Variants in ITPR1 observed in about 807,000 individuals in gnomAD.
The protein encoded by ITPR1 is inositol 1,4,5-trisphosphate receptor type 1.
A neutral mutation model predicts 318.4 loss-of-function variants in ITPR1; 96 were observed. That is an observed-to-expected ratio of 0.30 (90% CI 0.26 to 0.36). The LOEUF (loss-of-function observed/expected upper bound fraction) is 0.36. Among genes scored for constraint, ITPR1 ranks in the 10% least tolerant of loss-of-function variants. The probability of loss-of-function intolerance (pLI) is 1.00; values close to 1 mark genes in which losing one functional copy is unlikely to be tolerated. For synonymous variants in ITPR1, 1,312 were observed against 1,289.9 expected (o/e 1.02, Z -0.37); for missense variants, 2,440 against 3,460.2 (o/e 0.71, Z 7.40).
chr3:4,652,280 T>G, intron 11 of ITPR1, 62 bp downstream of exon 11: 4 of 1,171,764 alleles, frequency 3.4e-6, no homozygotes, highest in Non-Finnish European at 5.0e-6. Flanking sequence ...CCTTTCCTCA[T>G]TCGCCTGTAG....
intron 2 of ITPR1, among the ~76,000 whole-genome samples, chr3:4,495,135 C>T (rs534889350): frequency 3.7e-4 from 57 of 152,244 alleles, no homozygotes; most frequent in Non-Finnish European, 6.5e-4. Context: ...TCTGTAAACA[C>T]AACAGTTCCT....
chr3:4,800,376 A>C (rs752230896), intron 53 of ITPR1, 49 bp from the exon 54 acceptor site: 1 of 1,585,038 alleles, frequency 6.3e-7, no homozygotes, highest in African/African-American at 1.4e-5. Context: ...TGTCCCCTGT[A>C]CTCAGTGAAG....
At chr3:4,612,510 A>G (rs2092192077) in intron 4 of ITPR1, among the ~76,000 whole-genome samples, 1 of 151,896 alleles carries the variant, frequency 6.6e-6, no homozygotes, top group African/African-American at 2.4e-5. Flanking sequence ...GTTTTTTTCT[A>G]TATCCCCCCA....
chr3:4,827,422 C>T (rs1300301739), intron 60 of ITPR1, among the ~76,000 whole-genome samples: 5 of 152,206 alleles, frequency 3.3e-5, no homozygotes, highest in Non-Finnish European at 5.9e-5. Context: ...CTGTCTACAT[C>T]AGGTATATAT....
intron 7 of ITPR1, among the ~76,000 whole-genome samples, chr3:4,643,897 A>G (rs1031062073): frequency 6.6e-6 from 1 of 151,070 alleles, no homozygotes; most frequent in African/African-American, 2.4e-5. Flanking sequence ...GCTTTGAAAC[A>G]TCTCTGTATA....
chr3:4,771,422 C>T (rs1303679028), intron 46 of ITPR1, among the ~76,000 whole-genome samples: 1 of 152,220 alleles, frequency 6.6e-6, no homozygotes, highest in Non-Finnish European at 1.5e-5. Context: ...CCGAGCTTAG[C>T]TCTGGTGGTA....
chr3:4,585,292 A>G (rs1575611521), intron 4 of ITPR1, among the ~76,000 whole-genome samples: 1 of 152,210 alleles, frequency 6.6e-6, no homozygotes, highest in Non-Finnish European at 1.5e-5. Context: ...GAATGTTTTG[A>G]TTTAACTGCC....
intron 51 of ITPR1, among the ~76,000 whole-genome samples, chr3:4,784,533 C>T (rs1433348920): frequency 3.3e-5 from 5 of 151,004 alleles, no homozygotes; most frequent in Non-Finnish European, 7.4e-5. Context: ...GAGTTTTCCC[C>T]AAGAGGGCAT....
In ITPR1 at chr3:4,691,216, G is replaced by A; in HGVS notation, c.3901G>A (p.Val1301Ile). The A allele has an allele frequency of 6.2e-7, 1 of 1,613,324 alleles. No individual in the cohort carries two copies. Among genetic ancestry groups the A allele is most frequent in the Non-Finnish European group, 8.5e-7 (1 of 1,179,456 alleles). The change falls in exon 32 of 62, where the codon GTT (valine) becomes ATT (isoleucine). Residue 1301 changes from valine (V) to isoleucine (I), a missense_variant. Physicochemically the swap from Val to Ile is conservative, Grantham distance 29. Coordinates refer to ENST00000649015, the MANE Select transcript of ITPR1 (RefSeq NM_001378452.1). ...GCTTTGCAGTGAGATCAACGAGAGAGTTGTTCAGCACTTCGTTCACTGCAT... is the reference window on the plus strand; with the variant it reads ...GCTTTGCAGTGAGATCAACGAGAGAATTGTTCAGCACTTCGTTCACTGCAT... ...FQLCSEINER[V>I]VQHFVHCIET...
rs186341580 is a variant in ITPR1, at chr3:4,679,495, A to G, written c.2968-1058A>G. ...ACCTGGAGCTCTGATGGGCAGGAGA[A>G]GATGAGTGTCCCAGCTCCAGAACAG... On this transcript the variant is annotated intron_variant, in intron 24 of 61. Transcript: ENST00000649015. 2.0e-3 allele frequency among the ~76,000 whole-genome samples: 299 copies of G among 152,308 alleles called. 4 individuals carry two copies. Among genetic ancestry groups the G allele is most frequent in the African/African-American group, 6.5e-3 (272 of 41,578 alleles).
intron 39 of ITPR1, among the ~76,000 whole-genome samples, chr3:4,714,354 A>T (rs1473176599): frequency 1.3e-5 from 2 of 152,104 alleles, no homozygotes; most frequent in Non-Finnish European, 2.9e-5. Context: ...TTTTCTGATG[A>T]GTGGCCTCTT....
At chr3:4,676,990 A>G (rs1268339331) in intron 24 of ITPR1, among the ~76,000 whole-genome samples, 189 bp downstream of exon 24, 1 of 152,122 alleles carries the variant, frequency 6.6e-6, no homozygotes, top group Non-Finnish European at 1.5e-5. Context: ...TACCCTCCCA[A>G]CATGGCCATG....
chr3:4,660,895 T>G, intron 13 of ITPR1, 93 bp from the exon 14 acceptor site: 1 of 624,792 alleles, frequency 1.6e-6, no homozygotes, highest in Non-Finnish European at 2.7e-6. Context: ...ACCACTTTGC[T>G]ATTTCTATTT....
At chr3:4,792,618 A>G (rs1162976673) in intron 52 of ITPR1, among the ~76,000 whole-genome samples, 5 of 152,160 alleles carry the variant, frequency 3.3e-5, no homozygotes, top group Admixed American at 3.3e-4. Context: ...TCCCCTCCAC[A>G]CGGACCTCTC....
At chr3:4,772,203 G>T (rs1223188841) in intron 46 of ITPR1, among the ~76,000 whole-genome samples, 1 of 152,230 alleles carries the variant, frequency 6.6e-6, no homozygotes, top group Non-Finnish European at 1.5e-5. Flanking sequence ...GGGTCACTGG[G>T]TCAGGGATTC....
intron 42 of ITPR1, 45 bp from the exon 43 acceptor site, chr3:4,733,043 T>C (rs1476035431): frequency 1.9e-6 from 3 of 1,588,678 alleles, no homozygotes; most frequent in Non-Finnish European, 2.6e-6. Context: ...CCCTCGGTGA[T>C]GCATTAAATG....
intron 55 of ITPR1, among the ~76,000 whole-genome samples, chr3:4,810,858 C>A (rs1459402728): frequency 6.6e-6 from 1 of 152,210 alleles, no homozygotes; most frequent in Non-Finnish European, 1.5e-5. Flanking sequence ...TCCCACCAGA[C>A]ACTGGGCTGC....
In ITPR1 at chr3:4,826,633, TAA is replaced by T. The variant is rs1169448876; in HGVS notation, c.8028+8392_8028+8393del. 1.3e-5 allele frequency among the ~76,000 whole-genome samples: 2 copies of T among 152,200 alleles called. No individual in the cohort carries two copies. The highest frequency in any genetic ancestry group is 2.4e-5 in the African/African-American group (1 of 41,454). ...AGCTGCACAAAGCAGTTGCTGAGCT[TAA>T]GTTTCCCCACCCAGCCTTAGAACAC... is the stretch of plus-strand genomic sequence containing the variant. On this transcript the variant is annotated intron_variant, in intron 60 of 61. Transcript: ENST00000649015. The surrounding 1 kb of genome is among the most constrained non-coding windows in gnomAD (Gnocchi z 4.2).
Position 4,725,654 on chromosome 3 carries a change from G to A in ITPR1, c.5172+73G>A. ...TGCCTCTCAGTTGTCCTGGTTGGGTGTCTGAATTGTTGTAACAAAAAGTCT... is the reference window on the plus strand; with the variant it reads ...TGCCTCTCAGTTGTCCTGGTTGGGTATCTGAATTGTTGTAACAAAAAGTCT... On this transcript the variant is annotated intron_variant, in intron 41 of 61. Transcript: ENST00000649015. The A allele has an allele frequency of 3.0e-6, 4 of 1,339,724 alleles. No homozygotes were observed. In the South Asian group the frequency reaches 4.7e-5, roughly 16 times the overall value. 83.0% of individuals were successfully genotyped at this position (1,339,724 alleles called of 1,614,324 possible). A position where few individuals can be genotyped will look rare whatever the true frequency, so the allele number is the denominator to read the frequency against.
Sources: gnomAD v4.1 joint callset for allele counts (sites outside exome capture counted in the v4.1 genomes callset) on GRCh38, gnomAD v4.1.1 for gene constraint, Gnocchi (gnomAD v3.1) non-coding constraint, MANE v1.5 for transcripts, NCBI Gene and HGNC (gene_info 2026-07-23, HGNC 2026-07-21) for gene names.